ESR2: variants seen among roughly 807,000 people sequenced by gnomAD.
ESR2 encodes the protein estrogen receptor 2, also known as estrogen receptor beta.
Under a neutral mutation model 49.6 loss-of-function variants are expected in ESR2, and 36 were observed. That is an observed-to-expected ratio of 0.73 (90% CI 0.56 to 0.96). ESR2 has a LOEUF of 0.96. ESR2 is among the 40% of genes least tolerant of loss of function. The pLI is 0.00. For missense variants in ESR2, 714 were observed against 693.0 expected (o/e 1.03, Z -0.34); for synonymous variants, 320 against 266.1 (o/e 1.20, Z -1.97).
At chr14:64,234,462 C>A (rs1390935234) in intron 8 of ESR2, 1 of 160,134 alleles carries the variant, frequency 6.2e-6, no homozygotes, top group Non-Finnish European at 1.4e-5. Flanking sequence ...ACAGCCCTGC[C>A]TTCCTAAATC....
Position 64,266,611 on chromosome 14 carries a change from C to G in ESR2, c.652+2184G>C, listed in dbSNP as rs144934777. ...AAAACTTAAAACATTTATTTGCAAT[C>G]TTTTGTCAGAGTGCCAAGGCTTTCT... On this transcript the variant is annotated intron_variant, in intron 4 of 8. Coordinates refer to ENST00000341099, the MANE Select transcript of ESR2 (RefSeq NM_001437.3). Among the ~76,000 whole-genome samples, 32 of 152,336 alleles carry G rather than the reference C, an allele frequency of 2.1e-4. No individual in the cohort carries two copies. In the East Asian group the frequency reaches 6.0e-3, roughly 28 times the overall value.
rs1363691990 is a variant in ESR2, at chr14:64,231,779, G to C, written c.*1358C>G. Reference sequence around the variant, plus strand: ...ATTTAATTGCTGGCTTCCATAGTATGCTGTTACTCATTTTACATATTCACC... The same window carrying C: ...ATTTAATTGCTGGCTTCCATAGTATCCTGTTACTCATTTTACATATTCACC... On this transcript the variant is annotated 3_prime_UTR_variant, in exon 9 of 9. Coordinates refer to ENST00000341099, the MANE Select transcript of ESR2 (RefSeq NM_001437.3). 1 of 152,146 alleles carries C rather than the reference G, an allele frequency of 6.6e-6. No individual in the cohort carries two copies. Among genetic ancestry groups the C allele is most frequent in the African/African-American group, 2.4e-5 (1 of 41,430 alleles). The allele number at this position is 152,146 out of a possible 1,614,324, so 9.4% of individuals were successfully genotyped here. A position where few individuals can be genotyped will look rare whatever the true frequency, so the allele number is the denominator to read the frequency against.
At chr14:64,233,926 A>T (rs2098729845) in intron 8 of ESR2, 1 of 152,828 alleles carries the variant, frequency 6.5e-6, no homozygotes, top group African/African-American at 2.4e-5. Context: ...CACCAAAAGC[A>T]CAAAAATGTA....
chr14:64,314,531 A>T (rs1423598197), intron 1 of ESR2, among the ~76,000 whole-genome samples: 1 of 151,798 alleles, frequency 6.6e-6, no homozygotes, highest in Non-Finnish European at 1.5e-5. Context: ...TTAAATGTAA[A>T]ACAGGAAAAA....
rs1152578 is a variant in ESR2, at chr14:64,230,319, T to C, written c.*2818A>G. 0.66 allele frequency among the ~76,000 whole-genome samples: 100,125 copies of C among 152,082 alleles called. 34,502 individuals are homozygous for C. Among genetic ancestry groups the C allele is most frequent in the African/African-American group, 0.88 (36,514 of 41,522 alleles). ...TCCCTTAGCAGACGTAAATAAGAAC[T>C]AAACCCTGCTTTCACATGCTAGAAA... On this transcript the variant is annotated 3_prime_UTR_variant, in exon 9 of 9. Coordinates refer to ENST00000341099, the MANE Select transcript of ESR2 (RefSeq NM_001437.3).
upstream of ESR2, chr14:64,297,812 C>T (rs2076976774): frequency 6.6e-6 from 1 of 151,900 alleles, no homozygotes; most frequent in Non-Finnish European, 1.5e-5. Flanking sequence ...CAAAGGGTGC[C>T]TTTGGATTGT....
In ESR2 at chr14:64,269,217, G is replaced by T. The variant is rs2140764116; in HGVS notation, c.536-306C>A. Among the ~76,000 whole-genome samples the T allele has an allele frequency of 3.9e-5, 6 of 152,278 alleles. No individual in the cohort carries two copies. In the Middle Eastern group the frequency reaches 0.017, roughly 432 times the overall value. On this transcript the variant is annotated intron_variant, in intron 3 of 8. Transcript: ENST00000341099. ...TGGAAAATAAGACTAACATTAAATT[G>T]ATTTGCTCCAAGTCACAGAACTCAA...
intron 1 of ESR2, among the ~76,000 whole-genome samples, chr14:64,331,549 G>T (rs946503080): frequency 2.6e-5 from 4 of 152,086 alleles, no homozygotes; most frequent in Admixed American, 6.6e-5. Flanking sequence ...CTTTGGGGCC[G>T]GGCCCAGTGG....
upstream of ESR2, among the ~76,000 whole-genome samples, chr14:64,297,132 T>C (rs557543444): frequency 6.6e-6 from 1 of 152,144 alleles, no homozygotes; most frequent in African/African-American, 2.4e-5. Context: ...ACATATGACA[T>C]TGAAAGGACT....
chr14:64,251,942 T>C (rs1446787810), intron 6 of ESR2, among the ~76,000 whole-genome samples: 3 of 152,224 alleles, frequency 2.0e-5, no homozygotes, highest in Non-Finnish European at 2.9e-5. Flanking sequence ...ATTAATGACA[T>C]CTATTTTATT....
Position 64,257,345 on chromosome 14 carries a change from C to A in ESR2, c.972G>T (p.Leu324=), listed in dbSNP as rs777642861. 6 of 1,613,116 alleles carry A rather than the reference C, an allele frequency of 3.7e-6. No homozygotes were observed. The highest frequency in any genetic ancestry group is 3.3e-5 in the South Asian group (3 of 91,038). The part of the protein sequence containing the change: ...KKIPGFVELS[L]FDQVRLLESC... ...TCTCCAAGAGCCGCACTTGGTCGAACAGGCTGAGCTCCACAAAGCCTGGGG... is the reference window on the plus strand; with the variant it reads ...TCTCCAAGAGCCGCACTTGGTCGAAAAGGCTGAGCTCCACAAAGCCTGGGG... The change falls in exon 6 of 9, where the codon CTG becomes CTT. Residue 324 remains leucine, a synonymous_variant. Transcript: ENST00000341099.
At chr14:64,256,297 CTG>C (rs1310228105) in intron 6 of ESR2, among the ~76,000 whole-genome samples, 2 of 152,316 alleles carry the variant, frequency 1.3e-5, no homozygotes, top group African/African-American at 4.8e-5. Context: ...GTTTCCTTTT[CTG>C]TGTCATCTTT....
At chr14:64,254,372 A>G (rs2076054572) in intron 6 of ESR2, among the ~76,000 whole-genome samples, 1 of 152,182 alleles carries the variant, frequency 6.6e-6, no homozygotes, top group African/African-American at 2.4e-5. Context: ...AAGTATATTC[A>G]TTTGTATAAG....
chr14:64,236,603 A>G (rs2075605673), intron 7 of ESR2, among the ~76,000 whole-genome samples: 1 of 151,990 alleles, frequency 6.6e-6, no homozygotes, highest in African/African-American at 2.4e-5. Context: ...CCTCGCCTTG[A>G]GTCCCCCTCT....
chr14:64,323,846 T>C (rs952681505), intron 1 of ESR2, among the ~76,000 whole-genome samples: 2 of 151,964 alleles, frequency 1.3e-5, no homozygotes, highest in Non-Finnish European at 2.9e-5. Context: ...TGTGAGCCAC[T>C]ACACCTGGCT....
intron 1 of ESR2, among the ~76,000 whole-genome samples, chr14:64,314,244 A>G (rs2077223910): frequency 1.3e-5 from 2 of 152,184 alleles, no homozygotes; most frequent in South Asian, 4.1e-4. Context: ...ATCACATGGA[A>G]ATGAAACAAG....
intron 3 of ESR2, among the ~76,000 whole-genome samples, chr14:64,278,913 T>C (rs1489227864): frequency 6.6e-6 from 1 of 152,162 alleles, no homozygotes; most frequent in Non-Finnish European, 1.5e-5. Context: ...GAGACAGACA[T>C]GGTTCATTAT....
At chr14:64,254,691 G>T (rs2076061584) in intron 6 of ESR2, among the ~76,000 whole-genome samples, 1 of 152,030 alleles carries the variant, frequency 6.6e-6, no homozygotes, top group African/African-American at 2.4e-5. Context: ...TTGGGAGGCG[G>T]AGATTGCAGT....
chr14:64,300,387 T>C (rs2077008722), intron 1 of ESR2, among the ~76,000 whole-genome samples: 1 of 152,154 alleles, frequency 6.6e-6, no homozygotes, highest in Non-Finnish European at 1.5e-5. Context: ...ATCCTACCTC[T>C]ACCCTCCCTC....
Sources: gnomAD v4.1 joint callset for allele counts (sites outside exome capture counted in the v4.1 genomes callset) on GRCh38, gnomAD v4.1.1 for gene constraint, MANE v1.5 for transcripts, NCBI Gene and HGNC (gene_info 2026-07-23, HGNC 2026-07-21) for gene names.